CEP43: variants seen among roughly 807,000 people sequenced by gnomAD.
CEP43 encodes the protein centrosomal protein 43, also known as FGFR1 oncogene partner.
CEP43 carries 36 observed loss-of-function variants against 52.6 expected under a neutral mutation model. The observed-to-expected ratio is 0.68, with a 90% CI of 0.52 to 0.90. The LOEUF (loss-of-function observed/expected upper bound fraction) is 0.90. Among genes scored for constraint, CEP43 ranks in the 40% least tolerant of loss-of-function variants. The probability of loss-of-function intolerance (pLI) is 0.00; values close to 1 mark genes in which losing one functional copy is unlikely to be tolerated. For synonymous variants in CEP43, 192 were observed against 172.4 expected (o/e 1.11, Z -0.89); for missense variants, 506 against 472.8 (o/e 1.07, Z -0.65).
chr6:167,024,827 G>A lies in CEP43; in HGVS notation c.852G>A (p.Ser284=), dbSNP rs149375415. 2.2e-4 allele frequency: 361 copies of A among 1,613,136 alleles called. No individual in the cohort carries two copies. Among genetic ancestry groups the A allele is most frequent in the Non-Finnish European group, 2.7e-4 (322 of 1,179,488 alleles). ...AAGCAGGAAGTCTGGCCTCGCTCTC[G>A]GATGCACCCCCCTTAAAAAGTGGAC... ...RKQAGSLASL[S]DAPPLKSGLS... is the part of the protein sequence containing the mutation. The change falls in exon 9 of 13, where the codon TCG becomes TCA. Residue 284 remains serine, a synonymous_variant. Transcript: ENST00000366847.
intron 2 of CEP43, among the ~76,000 whole-genome samples, chr6:167,000,783 C>T (rs965757655): frequency 1.3e-5 from 2 of 152,212 alleles, no homozygotes; most frequent in Non-Finnish European, 2.9e-5. Flanking sequence ...CATCAGTCTT[C>T]TCTTGGCAGC....
rs189235825 is a variant in CEP43 at position 167,018,223 on chromosome 6, A to C, written c.580-4186A>C. 2.0e-5 allele frequency among the ~76,000 whole-genome samples: 3 copies of C among 152,344 alleles called. No individual in the cohort carries two copies. In the East Asian group the frequency reaches 5.8e-4, roughly 29 times the overall value. ...CCCACCCTACTCTTTGAATGGACTC[A>C]TCTTAACTAAATACATCTGCAGTGG... On this transcript the variant is annotated intron_variant, in intron 7 of 12. Transcript: ENST00000366847.
intron 7 of CEP43, among the ~76,000 whole-genome samples, chr6:167,014,019 C>T (rs531212734): frequency 1.3e-5 from 2 of 152,288 alleles, no homozygotes; most frequent in African/African-American, 4.8e-5. Flanking sequence ...GTAAATTTCA[C>T]TGTCAGTTTT....
In CEP43 at chr6:166,999,410, A is replaced by G. The variant is rs556671285; in HGVS notation, c.-3A>G. 2 of 1,470,834 alleles carry G rather than the reference A, an allele frequency of 1.4e-6. No individual in the cohort carries two copies. Among genetic ancestry groups the G allele is most frequent in the Admixed American group, 2.4e-5 (1 of 41,238 alleles). The allele number at this position is 1,470,834 out of a possible 1,614,324, so 91.1% of individuals were successfully genotyped here. A position where few individuals can be genotyped will look rare whatever the true frequency, so the allele number is the denominator to read the frequency against. Reference sequence around the variant, plus strand: ...GCTTCGGCGGTTGTCTTGGAGAAGCAAGATGGCGGCGACGGCGGCCGCAGT... The same window carrying G: ...GCTTCGGCGGTTGTCTTGGAGAAGCGAGATGGCGGCGACGGCGGCCGCAGT... On this transcript the variant is annotated 5_prime_UTR_variant, in exon 1 of 13. Transcript: ENST00000366847.
In CEP43 at chr6:167,040,473, A is replaced by G; in HGVS notation, c.*495A>G. 8.5e-7 allele frequency: 1 copy of G among 1,174,676 alleles called. No individual in the cohort carries two copies. Among genetic ancestry groups the G allele is most frequent in the Middle Eastern group, 3.6e-4 (1 of 2,796 alleles). 72.8% of individuals were successfully genotyped at this position (1,174,676 alleles called of 1,614,324 possible). ...TGGTAAATTTGTAATGCTGAAGTAT[A>G]TTAGTATAAGTTAAATTTGATGTGT... On this transcript the variant is annotated 3_prime_UTR_variant, in exon 13 of 13. Coordinates refer to ENST00000366847, the MANE Select transcript of CEP43 (RefSeq NM_007045.4).
chr6:167,000,110 A>G lies in CEP43; in HGVS notation c.153A>G (p.Val51=). The G allele has an allele frequency of 6.2e-7, 1 of 1,609,884 alleles. No homozygotes were observed. The highest frequency in any genetic ancestry group is 8.5e-7 in the Non-Finnish European group (1 of 1,177,178). The change falls in exon 2 of 13, where the codon GTA becomes GTG. Residue 51 remains valine (V), a synonymous_variant. Coordinates refer to ENST00000366847, the MANE Select transcript of CEP43 (RefSeq NM_007045.4). ...VFLALEEQEK[V]ENKTPLVNES... Reference sequence around the variant, plus strand: ...TAGCACTAGAGGAGCAAGAAAAAGTAGAGGTATGAAGTTTCCAGATTTTAA... The same window carrying G: ...TAGCACTAGAGGAGCAAGAAAAAGTGGAGGTATGAAGTTTCCAGATTTTAA...
intron 10 of CEP43, among the ~76,000 whole-genome samples, chr6:167,031,353 T>G (rs1187627185): frequency 6.6e-6 from 1 of 152,158 alleles, no homozygotes; most frequent in African/African-American, 2.4e-5. Flanking sequence ...TACCTTGGAG[T>G]TCTTCCCAAT....
chr6:167,005,576 C>CT (rs1444321448), intron 5 of CEP43, among the ~76,000 whole-genome samples: 2 of 152,198 alleles, frequency 1.3e-5, no homozygotes, highest in Non-Finnish European at 2.9e-5. Context: ...GAGAGCATAG[C>CT]CAGATCCCAG....
rs1290564595 is a variant in CEP43 at position 167,015,156 on chromosome 6, CTAGG to C, written c.579+1591_579+1594del. Among the ~76,000 whole-genome samples the C allele has an allele frequency of 1.9e-4, 29 of 152,080 alleles. 1 individual carries two copies. Among genetic ancestry groups the C allele is most frequent in the African/African-American group, 7.0e-4 (29 of 41,490 alleles). On this transcript the variant is annotated intron_variant, in intron 7 of 12. Transcript: ENST00000366847. ...CTGACTTGAGAGGGGATTGAAGAAT[CTAGG>C]TGGGCCCATATCCCAGGATTTAGTC...
Position 167,024,673 on chromosome 6 carries a change from C to G in CEP43, c.807-109C>G, listed in dbSNP as rs979700794. 3 of 759,934 alleles carry G rather than the reference C, an allele frequency of 3.9e-6. No individual in the cohort carries two copies. The Admixed American group carries it at 7.1e-5, about 18-fold the overall frequency. The allele number at this position is 759,934 out of a possible 1,614,324, so 47.1% of individuals were successfully genotyped here. On this transcript the variant is annotated intron_variant, in intron 8 of 12. Coordinates refer to ENST00000366847, the MANE Select transcript of CEP43 (RefSeq NM_007045.4). Reference sequence around the variant, plus strand: ...TAAAGTGTATATTCTTGATTTCCAGCCACCACACGTATAAAATATCTTTAA... The same window carrying G: ...TAAAGTGTATATTCTTGATTTCCAGGCACCACACGTATAAAATATCTTTAA...
chr6:167,025,214 A>G (rs1405645386), intron 9 of CEP43: 1 of 173,488 alleles, frequency 5.8e-6, no homozygotes, highest in Non-Finnish European at 1.2e-5. Flanking sequence ...GACATTTACA[A>G]TGACTTGAGT....
chr6:167,020,656 C>A lies in CEP43; in HGVS notation c.580-1753C>A, dbSNP rs189391854. 4.0e-4 allele frequency among the ~76,000 whole-genome samples: 61 copies of A among 152,310 alleles called. 1 individual carries two copies. The East Asian group carries it at 6.7e-3, about 17-fold the overall frequency. On this transcript the variant is annotated intron_variant, in intron 7 of 12. Coordinates refer to ENST00000366847, the MANE Select transcript of CEP43 (RefSeq NM_007045.4). Reference sequence around the variant, plus strand: ...GTGGCTCACGGCTCACGCCTGTAATCCCAGCACTTTGGGAGGCCGAGGCGG... The same window carrying A: ...GTGGCTCACGGCTCACGCCTGTAATACCAGCACTTTGGGAGGCCGAGGCGG...
rs1313266056 is a variant in CEP43, at chr6:167,045,367, C to CCCG, written c.*5389_*5390insCCG. On this transcript the variant is annotated 3_prime_UTR_variant, in exon 13 of 13. Transcript: ENST00000366847. ...GATCCGCACCCCTCCCCGCCCCCCCCGCGGCCCAGCCTCCCAAAGTGCTGG... is the reference window on the plus strand; with the variant it reads ...GATCCGCACCCCTCCCCGCCCCCCCCCCGGCGGCCCAGCCTCCCAAAGTGCTGG... The CCCG allele has an allele frequency of 6.6e-6, 1 of 151,364 alleles. No individual in the cohort carries two copies. The highest frequency in any genetic ancestry group is 2.0e-4 in the East Asian group (1 of 5,044). 9.4% of individuals were successfully genotyped at this position (151,364 alleles called of 1,614,324 possible).
Position 167,006,666 on chromosome 6 carries a change from A to G in CEP43, c.438+2265A>G, listed in dbSNP as rs1779861582. Among the ~76,000 whole-genome samples, 4 of 152,336 alleles carry G rather than the reference A, an allele frequency of 2.6e-5. No individual in the cohort carries two copies. The South Asian group carries it at 8.3e-4, about 32-fold the overall frequency. ...ATGCAAATATGTCATTTCACATAAG[A>G]GACTTGAGCATCCTTGGATTTTGGT... On this transcript the variant is annotated intron_variant, in intron 5 of 12. Transcript: ENST00000366847.
chr6:167,044,246 CATTTGA>C lies in CEP43; in HGVS notation c.*4271_*4276del. ...TATGCCACTCCGAGATTTGAGGTAA[CATTTGA>C]ATCTAAAAGAGGCTATATGAAAGAG... On this transcript the variant is annotated 3_prime_UTR_variant, in exon 13 of 13. Coordinates refer to ENST00000366847, the MANE Select transcript of CEP43 (RefSeq NM_007045.4). The C allele has an allele frequency of 4.8e-6, 1 of 208,940 alleles. No homozygotes were observed. 12.9% of individuals were successfully genotyped at this position (208,940 alleles called of 1,614,324 possible).
Position 167,040,474 on chromosome 6 carries a change from T to C in CEP43, c.*496T>C, listed in dbSNP as rs2128669215. 8.6e-7 allele frequency: 1 copy of C among 1,164,154 alleles called. No individual in the cohort carries two copies. Among genetic ancestry groups the C allele is most frequent in the East Asian group, 4.2e-5 (1 of 24,074 alleles). The allele number at this position is 1,164,154 out of a possible 1,614,324, so 72.1% of individuals were successfully genotyped here. A position where few individuals can be genotyped will look rare whatever the true frequency, so the allele number is the denominator to read the frequency against. On this transcript the variant is annotated 3_prime_UTR_variant, in exon 13 of 13. Transcript: ENST00000366847. ...GGTAAATTTGTAATGCTGAAGTATA[T>C]TAGTATAAGTTAAATTTGATGTGTC...
rs1780839655 is a variant in CEP43 at position 167,049,202 on chromosome 6, A to C, written c.*9224A>C. The C allele has an allele frequency of 6.6e-6, 1 of 152,074 alleles. No homozygotes were observed. The highest frequency in any genetic ancestry group is 1.5e-5 in the Non-Finnish European group (1 of 68,014). The allele number at this position is 152,074 out of a possible 1,614,324, so 9.4% of individuals were successfully genotyped here. ...TTTTTAAAATTTGTGATTTGTTGGG[A>C]TTTGTTCCTCATTCACAGGTAATTT... is the stretch of plus-strand genomic sequence containing the variant. On this transcript the variant is annotated 3_prime_UTR_variant, in exon 13 of 13. Transcript: ENST00000366847.
rs1780866746 is a variant in CEP43 at position 167,051,274 on chromosome 6, T to C, written c.*11296T>C. Reference sequence around the variant, plus strand: ...ATAGGTGGTAATCTTTACACCTATATCTTAGTAGAATTCAGGCCCCTCACT... The same window carrying C: ...ATAGGTGGTAATCTTTACACCTATACCTTAGTAGAATTCAGGCCCCTCACT... On this transcript the variant is annotated 3_prime_UTR_variant, in exon 13 of 13. Coordinates refer to ENST00000366847, the MANE Select transcript of CEP43 (RefSeq NM_007045.4). 2.0e-5 allele frequency: 3 copies of C among 152,256 alleles called. No individual in the cohort carries two copies. Among genetic ancestry groups the C allele is most frequent in the Admixed American group, 6.5e-5 (1 of 15,288 alleles). The allele number at this position is 152,256 out of a possible 1,614,324, so 9.4% of individuals were successfully genotyped here. A position where few individuals can be genotyped will look rare whatever the true frequency, so the allele number is the denominator to read the frequency against.
chr6:167,034,146 T>G (rs1215358150), intron 12 of CEP43, among the ~76,000 whole-genome samples, 175 bp downstream of exon 12: 1 of 152,184 alleles, frequency 6.6e-6, no homozygotes, highest in Non-Finnish European at 1.5e-5. Context: ...TGTGTAAGAT[T>G]GGTTTTGGTT....
Sources: gnomAD v4.1 joint callset for allele counts (sites outside exome capture counted in the v4.1 genomes callset) on GRCh38, gnomAD v4.1.1 for gene constraint, MANE v1.5 for transcripts, NCBI Gene and HGNC (gene_info 2026-07-23, HGNC 2026-07-21) for gene names.